Variants in EVC2 observed in about 807,000 individuals in gnomAD.
EVC2 encodes the protein EvC ciliary complex subunit 2, also known as limbin.
A neutral mutation model predicts 149.3 loss-of-function variants in EVC2; 148 were observed. That is an observed-to-expected ratio of 0.99 (90% CI 0.87 to 1.14). The LOEUF (loss-of-function observed/expected upper bound fraction) is 1.14. Ranked by LOEUF, EVC2 falls within the 50% of genes most tolerant of loss-of-function variation. The pLI is 0.00. For missense variants in EVC2, 1,854 were observed against 1,627.3 expected (o/e 1.14, Z -2.40); for synonymous variants, 776 against 649.9 (o/e 1.19, Z -2.95).
intron 11 of EVC2, among the ~76,000 whole-genome samples, chr4:5,630,911 G>GCAAGCTATCAGCAC (rs982264686): frequency 6.6e-6 from 1 of 152,206 alleles, no homozygotes; most frequent in African/African-American, 2.4e-5. Context: ...ATCAGCTAGA[G>GCAAGCTATCAGCAC]CAAGCTATCA....
intron 9 of EVC2, among the ~76,000 whole-genome samples, chr4:5,641,647 T>C (rs1480641715): frequency 1.3e-5 from 2 of 152,146 alleles, no homozygotes; most frequent in Non-Finnish European, 2.9e-5. Flanking sequence ...GAAGGAAAGC[T>C]ACATAGAAAA....
At chr4:5,612,297 TC>T (rs1274819527) in intron 16 of EVC2, among the ~76,000 whole-genome samples, 1 of 152,238 alleles carries the variant, frequency 6.6e-6, no homozygotes, top group Non-Finnish European at 1.5e-5. Flanking sequence ...TCCCAGTTTT[TC>T]TCTTGGATAA....
chr4:5,663,661 C>T (rs906745886), intron 8 of EVC2, among the ~76,000 whole-genome samples: 1 of 152,196 alleles, frequency 6.6e-6, no homozygotes, highest in Non-Finnish European at 1.5e-5. Context: ...TGGCTCACGC[C>T]TGTAATCCCA....
At chr4:5,706,581 C>G (rs1478837987) in intron 1 of EVC2, among the ~76,000 whole-genome samples, 1 of 151,972 alleles carries the variant, frequency 6.6e-6, no homozygotes, top group Non-Finnish European at 1.5e-5. Context: ...GAACTGTGCT[C>G]TGGGAACAGC....
In EVC2 at chr4:5,625,307, TACACACACACACACAC is replaced by T. The variant is rs71171407; in HGVS notation, c.2046+426_2046+441del. Among the ~76,000 whole-genome samples the T allele has an allele frequency of 0.029, 4,007 of 139,872 alleles. 179 individuals are homozygous for T. Among genetic ancestry groups the T allele is most frequent in the African/African-American group, 0.096 (3,726 of 38,630 alleles). 91.8% of individuals were successfully genotyped at this position (139,872 alleles called of 152,430 possible). A position where few individuals can be genotyped will look rare whatever the true frequency, so the allele number is the denominator to read the frequency against. On this transcript the variant is annotated intron_variant, in intron 13 of 21. Coordinates refer to ENST00000344408, the MANE Select transcript of EVC2 (RefSeq NM_147127.5). This position sits in a 1 kb window ranked among gnomAD's most constrained non-coding sequence, Gnocchi z 4.0. ...CTTACTAGATATTTGACCTTGACCA[TACACACACACACACAC>T]ACACACACACACACACACACACACA...
Position 5,623,006 on chromosome 4 carries a change from A to G in EVC2, c.2047-15T>C. The G allele has an allele frequency of 6.2e-7, 1 of 1,613,230 alleles. No homozygotes were observed. Among genetic ancestry groups the G allele is most frequent in the Non-Finnish European group, 8.5e-7 (1 of 1,179,806 alleles). On this transcript the variant is annotated splice_polypyrimidine_tract_variant and intron_variant, in intron 13 of 21. Coordinates refer to ENST00000344408, the MANE Select transcript of EVC2 (RefSeq NM_147127.5). The stretch of plus-strand genomic sequence containing the variant: ...TGCTCCCTGTGCTGGAGTTTCAGAA[A>G]AGAAAATTAAGTGGGGGTGGGGCTT...
At chr4:5,560,738 CATA>C (rs1721926374), downstream of EVC2, among the ~76,000 whole-genome samples, 1 of 152,140 alleles carries the variant, frequency 6.6e-6, no homozygotes, top group Non-Finnish European at 1.5e-5. The surrounding 1 kb of genome is among the most constrained non-coding windows in gnomAD (Gnocchi z 4.1). Flanking sequence ...ACATTACAGA[CATA>C]ATATCTAGTA....
At chr4:5,649,522 C>G (rs1400998153) in intron 9 of EVC2, among the ~76,000 whole-genome samples, 1 of 151,950 alleles carries the variant, frequency 6.6e-6, no homozygotes, top group South Asian at 2.1e-4. Context: ...TCTTATTTCA[C>G]ATAAAAATTA....
Position 5,628,525 on chromosome 4 carries a change from C to T in EVC2, c.1886+34G>A, listed in dbSNP as rs1337789238. 3.7e-6 allele frequency: 6 copies of T among 1,613,358 alleles called. No individual in the cohort carries two copies. The East Asian group carries it at 8.9e-5, about 24-fold the overall frequency. ...CATAGCAGCAGAAAACAGACTAAGA[C>T]AGTTCGCACTGTTGGGACAGTGTTG... On this transcript the variant is annotated intron_variant, in intron 12 of 21. Coordinates refer to ENST00000344408, the MANE Select transcript of EVC2 (RefSeq NM_147127.5).
intron 9 of EVC2, among the ~76,000 whole-genome samples, chr4:5,644,936 C>G (rs1289171497): frequency 6.6e-6 from 1 of 152,132 alleles, no homozygotes; most frequent in African/African-American, 2.4e-5. Flanking sequence ...TTGATGGGCA[C>G]TTAGGTTGAT....
chr4:5,603,540 G>C (rs992064832), intron 16 of EVC2, among the ~76,000 whole-genome samples: 3 of 152,230 alleles, frequency 2.0e-5, no homozygotes, highest in African/African-American at 7.2e-5. Flanking sequence ...AAGTCAGAGA[G>C]AGTGAAGGAC....
intron 17 of EVC2, among the ~76,000 whole-genome samples, chr4:5,578,717 G>A (rs558670554): frequency 6.6e-6 from 1 of 152,178 alleles, no homozygotes; most frequent in East Asian, 1.9e-4. Context: ...GAGAGAGAGA[G>A]AGATAATAGA....
intron 14 of EVC2, among the ~76,000 whole-genome samples, chr4:5,619,950 G>C (rs968751018): frequency 6.6e-6 from 1 of 152,196 alleles, no homozygotes; most frequent in East Asian, 1.9e-4. Context: ...GTTATCAGCA[G>C]AACACCCAAC....
At chr4:5,607,448 A>C (rs1424961300) in intron 16 of EVC2, among the ~76,000 whole-genome samples, 2 of 152,170 alleles carry the variant, frequency 1.3e-5, no homozygotes, top group African/African-American at 4.8e-5. Flanking sequence ...CCAGGCTGCA[A>C]ATTCTGTGTC....
At chr4:5,674,414 G>C (rs1021631156) in intron 7 of EVC2, among the ~76,000 whole-genome samples, 1 of 152,198 alleles carries the variant, frequency 6.6e-6, no homozygotes, top group African/African-American at 2.4e-5. Context: ...AGTGGGACTA[G>C]ATAATCTTTA....
intron 9 of EVC2, among the ~76,000 whole-genome samples, chr4:5,659,195 A>T (rs1718723192): frequency 6.6e-6 from 1 of 152,136 alleles, no homozygotes; most frequent in African/African-American, 2.4e-5. Flanking sequence ...GTAATGGCAT[A>T]TTTCGAATCC....
chr4:5,618,117 C>G lies in EVC2; in HGVS notation c.2706+361G>C, dbSNP rs939838478. Among the ~76,000 whole-genome samples the G allele has an allele frequency of 6.6e-6, 1 of 152,068 alleles. No homozygotes were observed. Among genetic ancestry groups the G allele is most frequent in the African/African-American group, 2.4e-5 (1 of 41,392 alleles). ...TGCCATATAGAAAGGCCTTTTGTAC[C>G]CAGAGTCAGTCATTAGCTGTGGCTG... On this transcript the variant is annotated intron_variant, in intron 15 of 21. Transcript: ENST00000344408. The surrounding 1 kb of genome is among the most constrained non-coding windows in gnomAD (Gnocchi z 4.4).
chr4:5,699,701 C>T (rs888513769), intron 1 of EVC2, among the ~76,000 whole-genome samples: 5 of 150,980 alleles, frequency 3.3e-5, no homozygotes, highest in Non-Finnish European at 4.4e-5. Flanking sequence ...CATGCCTATA[C>T]TCCCAGCTAC....
At chr4:5,667,897 G>T (rs1719381346) in intron 7 of EVC2, among the ~76,000 whole-genome samples, 1 of 152,212 alleles carries the variant, frequency 6.6e-6, no homozygotes, top group Non-Finnish European at 1.5e-5. Context: ...CAGGCACAGG[G>T]AGCCACTCTT....
Sources: gnomAD v4.1 joint callset for allele counts (sites outside exome capture counted in the v4.1 genomes callset) on GRCh38, gnomAD v4.1.1 for gene constraint, Gnocchi (gnomAD v3.1) non-coding constraint, MANE v1.5 for transcripts, NCBI Gene and HGNC (gene_info 2026-07-23, HGNC 2026-07-21) for gene names.